NRG1: variants seen among roughly 807,000 people sequenced by gnomAD.
NRG1 encodes the protein pro-neuregulin-1, membrane-bound isoform.
In NRG1, 18 loss-of-function variants were observed where a neutral mutation model predicts 63.8. The observed-to-expected ratio is 0.28, with a 90% confidence interval of 0.19 to 0.42. NRG1 has a LOEUF of 0.42. Ranked by LOEUF, NRG1 falls within the 10% of genes least tolerant of loss-of-function variation. The pLI is 1.00. For missense variants in NRG1, 762 were observed against 814.7 expected, an observed-to-expected ratio of 0.94 and a Z score of 0.79; for synonymous variants, 302 against 301.3, an observed-to-expected ratio of 1.00 and a Z score of -0.02.
chr8:31,905,471 TACA>T (rs1468242853), intron 1 of NRG1, among the ~76,000 whole-genome samples: 1 of 152,246 alleles, frequency 6.6e-6, no homozygotes, highest in Admixed American at 6.5e-5. Flanking sequence ...GACACATTTA[TACA>T]ACATTTTAAG....
At chr8:31,647,320 C>A (rs946826272) in intron 1 of NRG1, among the ~76,000 whole-genome samples, 4 of 152,224 alleles carry the variant, frequency 2.6e-5, no homozygotes, top group African/African-American at 7.2e-5. Flanking sequence ...TCCAATATCA[C>A]AACAGCTCTT....
At chr8:32,228,405 A>G (rs1846555278) in intron 1 of NRG1, among the ~76,000 whole-genome samples, 1 of 152,182 alleles carries the variant, frequency 6.6e-6, no homozygotes, top group Non-Finnish European at 1.5e-5. Context: ...CATAACTTCT[A>G]AAGCCTTTTA....
chr8:32,230,343 CTAAAG>C (rs2132578977), intron 1 of NRG1, among the ~76,000 whole-genome samples: 1 of 152,278 alleles, frequency 6.6e-6, no homozygotes, highest in African/African-American at 2.4e-5. Flanking sequence ...TAAAATGTTG[CTAAAG>C]TAAGATGGCT....
chr8:32,690,378 C>T (rs1425658926), intron 5 of NRG1, among the ~76,000 whole-genome samples: 1 of 152,102 alleles, frequency 6.6e-6, no homozygotes, highest in African/African-American at 2.4e-5. Context: ...TCACCCAGCA[C>T]TGTAGGAAAA....
chr8:32,152,268 A>C (rs1454308679), intron 1 of NRG1, among the ~76,000 whole-genome samples: 1 of 152,202 alleles, frequency 6.6e-6, no homozygotes, highest in African/African-American at 2.4e-5. Flanking sequence ...TGTAGAGAAC[A>C]CTTTGTGGTT....
At chr8:32,751,411 T>C (rs1182872579) in intron 7 of NRG1, among the ~76,000 whole-genome samples, 1 of 152,206 alleles carries the variant, frequency 6.6e-6, no homozygotes, top group Non-Finnish European at 1.5e-5. Flanking sequence ...TGACAGACTC[T>C]TGTTTTTAGC....
intron 1 of NRG1, among the ~76,000 whole-genome samples, chr8:31,711,515 C>A (rs1811739721): frequency 6.6e-6 from 1 of 152,180 alleles, no homozygotes; most frequent in Non-Finnish European, 1.5e-5. Flanking sequence ...CAATAACTGT[C>A]TGGGTTGTCT....
intron 1 of NRG1, among the ~76,000 whole-genome samples, chr8:32,110,775 C>T (rs922433581): frequency 3.9e-5 from 6 of 152,140 alleles, no homozygotes; most frequent in South Asian, 2.1e-4. Context: ...TTTCCCTTTC[C>T]GCACAGTCCC....
At chr8:32,512,544 C>T (rs1253698862) in intron 1 of NRG1, among the ~76,000 whole-genome samples, 1 of 152,142 alleles carries the variant, frequency 6.6e-6, no homozygotes, top group Non-Finnish European at 1.5e-5. Flanking sequence ...TTCTAAGTGC[C>T]ATTATCTCAT....
intron 1 of NRG1, among the ~76,000 whole-genome samples, chr8:31,688,478 A>G (rs1809138325): frequency 1.3e-5 from 2 of 152,174 alleles, no homozygotes; most frequent in Admixed American, 6.5e-5. Flanking sequence ...GCTGTTTGTA[A>G]GCTACCCGTC....
At chr8:31,982,780 T>C (rs1057097272) in intron 1 of NRG1, among the ~76,000 whole-genome samples, 4 of 152,138 alleles carry the variant, frequency 2.6e-5, no homozygotes, top group Non-Finnish European at 5.9e-5. Context: ...GCTATTTTTT[T>C]CATCTAAGAG....
chr8:32,753,693 T>C (rs2129051942), intron 7 of NRG1, among the ~76,000 whole-genome samples: 2 of 152,336 alleles, frequency 1.3e-5, no homozygotes, highest in East Asian at 1.9e-4. Context: ...TGCTACCTCA[T>C]ATTGTATTGC....
At chr8:32,749,428 T>A in intron 7 of NRG1, 1 of 898,186 alleles carries the variant, frequency 1.1e-6, no homozygotes, top group Non-Finnish European at 1.8e-6. Context: ...CCACACACCA[T>A]TTGTCTGGTT....
At chr8:32,002,905 T>TAC (rs2129709236) in intron 1 of NRG1, among the ~76,000 whole-genome samples, 1 of 152,190 alleles carries the variant, frequency 6.6e-6, no homozygotes, top group Non-Finnish European at 1.5e-5. Context: ...TTTTTTTCTG[T>TAC]AAAATCCTAC....
At chr8:32,406,385 G>A (rs1813987412) in intron 1 of NRG1, among the ~76,000 whole-genome samples, 1 of 152,108 alleles carries the variant, frequency 6.6e-6, no homozygotes, top group South Asian at 2.1e-4. Flanking sequence ...TTATTCAAAG[G>A]TTGTTGTGAA....
intron 1 of NRG1, among the ~76,000 whole-genome samples, chr8:31,990,504 C>T (rs1247243507): frequency 6.6e-6 from 1 of 151,986 alleles, no homozygotes; most frequent in Non-Finnish European, 1.5e-5. Flanking sequence ...TAGGAACTAG[C>T]AGGGCATTTC....
chr8:32,389,053 T>G (rs1811388410), intron 1 of NRG1, among the ~76,000 whole-genome samples: 1 of 152,214 alleles, frequency 6.6e-6, no homozygotes, highest in African/African-American at 2.4e-5. Flanking sequence ...GGTGTTTTAT[T>G]TATTAGTCAT....
At chr8:31,686,871 G>T (rs1397929845) in intron 1 of NRG1, among the ~76,000 whole-genome samples, 2 of 151,948 alleles carry the variant, frequency 1.3e-5, no homozygotes, top group African/African-American at 4.8e-5. Context: ...TTGGTTCAAC[G>T]ATTTCTCTGT....
At chr8:32,272,906 A>G (rs543522416) in intron 1 of NRG1, among the ~76,000 whole-genome samples, 1 of 152,338 alleles carries the variant, frequency 6.6e-6, no homozygotes, top group South Asian at 2.1e-4. Flanking sequence ...TTAGGGGAAG[A>G]AGAAGGTTGA....
Sources: gnomAD v4.1 joint callset for allele counts (sites outside exome capture counted in the v4.1 genomes callset) on GRCh38, gnomAD v4.1.1 for gene constraint, MANE v1.5 for transcripts, NCBI Gene and HGNC (gene_info 2026-07-23, HGNC 2026-07-21) for gene names.